The following ZFP2 variants were observed in gnomAD, a reference collection of about 807,000 sequenced individuals.
The protein encoded by ZFP2 is zinc finger protein ZFP2.
In ZFP2, 33 loss-of-function variants were observed where a neutral mutation model predicts 36.1. The observed-to-expected ratio is 0.92, with a 90% CI of 0.69 to 1.22. The LOEUF is 1.22. ZFP2 is among the 50% of genes most tolerant of loss of function. The pLI is 0.00. For missense variants in ZFP2, 522 were observed against 551.4 expected, an observed-to-expected ratio of 0.95 and a Z score of 0.53; for synonymous variants, 170 against 178.0, an observed-to-expected ratio of 0.96 and a Z score of 0.36.
intron 4 of ZFP2, among the ~76,000 whole-genome samples, chr5:178,927,330 T>C (rs1442089340): frequency 6.6e-6 from 1 of 152,198 alleles, no homozygotes; most frequent in African/African-American, 2.4e-5. Context: ...AAGAAACCTC[T>C]AGATTGTGTC....
In ZFP2 at chr5:178,921,155, A is replaced by G. The variant is rs571413234; in HGVS notation, c.-78+4445A>G. Among the ~76,000 whole-genome samples the G allele has an allele frequency of 1.8e-4, 27 of 152,240 alleles. No individual in the cohort carries two copies. The South Asian group carries it at 5.6e-3, about 32-fold the overall frequency. ...GCGGTCCCTCTTATTCTCAAAGTCC[A>G]CGTGTGCTGCTTAGGGGGTCAGATT... On this transcript the variant is annotated intron_variant, in intron 4 of 4. Transcript: ENST00000361362.
chr5:178,912,255 C>G (rs983594642), intron 1 of ZFP2, among the ~76,000 whole-genome samples: 1 of 152,218 alleles, frequency 6.6e-6, no homozygotes, highest in Non-Finnish European at 1.5e-5. Context: ...GTTTGGTCAT[C>G]ATGTACCATT....
intron 1 of ZFP2, among the ~76,000 whole-genome samples, chr5:178,900,161 T>C (rs1012435552): frequency 6.6e-6 from 1 of 152,236 alleles, no homozygotes; most frequent in Non-Finnish European, 1.5e-5. Flanking sequence ...ATAGTGTTAA[T>C]TTTTAAATCA....
chr5:178,932,589 A>G lies in ZFP2; in HGVS notation c.1276A>G (p.Thr426Ala), dbSNP rs1490179467. The G allele has an allele frequency of 1.2e-6, 2 of 1,614,032 alleles. No individual in the cohort carries two copies. Among genetic ancestry groups the G allele is most frequent in the Non-Finnish European group, 1.7e-6 (2 of 1,180,034 alleles). ...AGCCTTCATTAAGAATTCATCCCTT[A>G]CAGTGCATCAGAGAACTCATACAGG... ...GKAFIKNSSLTVHQRTHTGEK... is the reference protein window; with the variant it reads ...GKAFIKNSSLAVHQRTHTGEK... Residue 426 changes from threonine (T) to alanine (A), a missense_variant, in exon 5 of 5, where the codon ACA (threonine) becomes GCA (alanine). Transcript: ENST00000361362.
At chr5:178,908,123 A>G (rs987878647) in intron 1 of ZFP2, among the ~76,000 whole-genome samples, 1 of 151,922 alleles carries the variant, frequency 6.6e-6, no homozygotes, top group African/African-American at 2.4e-5. Flanking sequence ...TTAAGTTAAC[A>G]CTCCTATTCA....
intron 1 of ZFP2, among the ~76,000 whole-genome samples, chr5:178,898,235 C>G (rs2113038119): frequency 6.6e-6 from 1 of 152,348 alleles, no homozygotes; most frequent in South Asian, 2.1e-4. Context: ...GTCCACCCAC[C>G]TTGGCCTCCC....
At position 178,903,707 on chromosome 5, in the gene ZFP2, C is replaced by T. The variant is rs538633778; in HGVS notation, c.-450+7733C>T. On this transcript the variant is annotated intron_variant, in intron 1 of 4. Coordinates refer to ENST00000361362, the MANE Select transcript of ZFP2 (RefSeq NM_030613.4). ...AAAAGGAGCCTGGCATGGTGGCTCA[C>T]GCCTGTAATCCCAACACTTTGGGAG... Among the ~76,000 whole-genome samples the T allele has an allele frequency of 5.3e-5, 8 of 152,210 alleles. No individual in the cohort carries two copies. The East Asian group carries it at 9.6e-4, about 18-fold the overall frequency.
chr5:178,910,620 G>A (rs112467526), intron 1 of ZFP2: 6,287 of 415,492 alleles, frequency 0.015, 71 homozygotes, highest in Middle Eastern at 0.05. Flanking sequence ...CTGGTGTCCC[G>A]GCCTCTAGAA....
At chr5:178,905,229 T>G (rs1758146043) in intron 1 of ZFP2, among the ~76,000 whole-genome samples, 1 of 152,250 alleles carries the variant, frequency 6.6e-6, no homozygotes, top group Non-Finnish European at 1.5e-5. Context: ...AAAAAAATGA[T>G]ACTTTATTCT....
chr5:178,905,098 A>C (rs1758142846), intron 1 of ZFP2, among the ~76,000 whole-genome samples: 1 of 152,188 alleles, frequency 6.6e-6, no homozygotes, highest in African/African-American at 2.4e-5. Context: ...GAATTTTATT[A>C]TGAAGTTCCA....
intron 1 of ZFP2, among the ~76,000 whole-genome samples, 172 bp from the exon 2 acceptor site, chr5:178,912,412 A>G (rs1011751683): frequency 3.3e-5 from 5 of 151,534 alleles, no homozygotes; most frequent in African/African-American, 1.2e-4. Flanking sequence ...TTACCTCCCA[A>G]AACACTTTTT....
chr5:178,901,582 T>C (rs1326833572), intron 1 of ZFP2, among the ~76,000 whole-genome samples: 1 of 152,178 alleles, frequency 6.6e-6, no homozygotes, highest in Non-Finnish European at 1.5e-5. Flanking sequence ...GTTATCCTTA[T>C]GTGTTCATGT....
chr5:178,904,329 G>A (rs1758121994), intron 1 of ZFP2, among the ~76,000 whole-genome samples: 1 of 152,104 alleles, frequency 6.6e-6, no homozygotes, highest in African/African-American at 2.4e-5. Flanking sequence ...GAGGAAATGT[G>A]GTTGAGGATA....
At position 178,909,211 on chromosome 5, in the gene ZFP2, A is replaced by G. The variant is rs185095310; in HGVS notation, c.-449-3373A>G. Among the ~76,000 whole-genome samples the G allele has an allele frequency of 1.3e-3, 201 of 151,946 alleles. 2 individuals carry two copies. Among genetic ancestry groups the G allele is most frequent in the African/African-American group, 4.5e-3 (186 of 41,418 alleles). On this transcript the variant is annotated intron_variant, in intron 1 of 4. Coordinates refer to ENST00000361362, the MANE Select transcript of ZFP2 (RefSeq NM_030613.4). The stretch of plus-strand genomic sequence containing the variant: ...GCGTAAAACCCCTCGTGGCCTCTGG[A>G]ATGTGTCTACACTTGCTGGCTCCTT...
chr5:178,912,926 G>A, intron 2 of ZFP2, 56 bp from the exon 3 acceptor site: 4 of 953,620 alleles, frequency 4.2e-6, no homozygotes, highest in Non-Finnish European at 5.0e-6. Flanking sequence ...ACTCTGCTAG[G>A]ATTGGTTTTT....
At chr5:178,897,956 AAC>A (rs1356824431) in intron 1 of ZFP2, among the ~76,000 whole-genome samples, 1 of 152,174 alleles carries the variant, frequency 6.6e-6, no homozygotes, top group Non-Finnish European at 1.5e-5. Flanking sequence ...TAGTTGTTGT[AAC>A]ACACAACTTA....
rs555809711 is a variant in ZFP2, at chr5:178,896,306, G to A, written c.-450+332G>A. 1.3e-4 allele frequency among the ~76,000 whole-genome samples: 20 copies of A among 152,346 alleles called. No individual in the cohort carries two copies. The South Asian group carries it at 4.1e-3, about 32-fold the overall frequency. On this transcript the variant is annotated intron_variant, in intron 1 of 4. Coordinates refer to ENST00000361362, the MANE Select transcript of ZFP2 (RefSeq NM_030613.4). ...ACAAGGGCCACGCCGGCCACCACGGGTCAGGGAGGGGCCCAAGGTTCCAAG... is the reference window on the plus strand; with the variant it reads ...ACAAGGGCCACGCCGGCCACCACGGATCAGGGAGGGGCCCAAGGTTCCAAG...
intron 4 of ZFP2, chr5:178,922,639 C>A: frequency 1.3e-6 from 2 of 1,586,862 alleles, no homozygotes; most frequent in Non-Finnish European, 1.7e-6. Flanking sequence ...CTTGGAGCGA[C>A]CTTTGTCCAC....
rs1345134112 is a variant in ZFP2 at position 178,931,647 on chromosome 5, A to G, written c.334A>G (p.Ser112Gly). The change falls in exon 5 of 5, where the codon AGT (serine) becomes GGT (glycine). Residue 112 changes from serine to glycine, a missense_variant. Transcript: ENST00000361362. ...ATGTAATCAGTGCAGCAAAACCTTC[A>G]GTCAGAGCTCATCCCTTCTTAAGCA... The part of the protein sequence containing the change: ...YECNQCSKTF[S>G]QSSSLLKHQR... The G allele has an allele frequency of 6.2e-7, 1 of 1,614,170 alleles. No homozygotes were observed. The highest frequency in any genetic ancestry group is 1.7e-5 in the Admixed American group (1 of 60,024).
Sources: gnomAD v4.1 joint callset for allele counts (sites outside exome capture counted in the v4.1 genomes callset) on GRCh38, gnomAD v4.1.1 for gene constraint, MANE v1.5 for transcripts, NCBI Gene and HGNC (gene_info 2026-07-23, HGNC 2026-07-21) for gene names.